HS1BP3: variants seen among roughly 807,000 people sequenced by gnomAD.
HS1BP3 encodes HCLS1-binding protein 3.
Under a neutral mutation model 33.5 loss-of-function variants are expected in HS1BP3, and 32 were observed. That is an observed-to-expected ratio of 0.95 (90% CI 0.72 to 1.28). The LOEUF is 1.28. Among genes scored for constraint, HS1BP3 ranks in the 50% most tolerant of loss-of-function variants. The pLI, the probability that HS1BP3 is intolerant of heterozygous loss-of-function variation, is 0.00. For synonymous variants in HS1BP3, 187 were observed against 209.2 expected, an observed-to-expected ratio of 0.89 and a Z score of 0.92; for missense variants, 486 against 502.3, an observed-to-expected ratio of 0.97 and a Z score of 0.31.
intron 2 of HS1BP3, among the ~76,000 whole-genome samples, chr2:20,612,178 T>C (rs1572332349): frequency 6.6e-6 from 1 of 152,032 alleles, no homozygotes; most frequent in South Asian, 2.1e-4. Flanking sequence ...CACAGAGAGG[T>C]TAAGTAACTG....
chr2:20,553,903 A>G, the HS1BP3 span, among the ~76,000 whole-genome samples: 4 of 152,286 alleles, frequency 2.6e-5, no homozygotes, highest in East Asian at 7.7e-4. Flanking sequence ...TAGCAAACTG[A>G]TGTGCTGTGG....
intron 5 of HS1BP3, among the ~76,000 whole-genome samples, chr2:20,582,743 A>G (rs1157986814): frequency 1.3e-5 from 2 of 152,118 alleles, no homozygotes; most frequent in South Asian, 4.1e-4. Flanking sequence ...GAGGATTGTC[A>G]TGGGGCAGAC....
chr2:20,609,897 C>T (rs1411302190), intron 2 of HS1BP3, among the ~76,000 whole-genome samples: 2 of 152,122 alleles, frequency 1.3e-5, no homozygotes, highest in Non-Finnish European at 2.9e-5. Flanking sequence ...ATCAGTGAAA[C>T]GTTTGCTAAG....
chr2:20,563,055 C>A (rs1183934425), intron 5 of HS1BP3, among the ~76,000 whole-genome samples: 1 of 152,206 alleles, frequency 6.6e-6, no homozygotes, highest in Non-Finnish European at 1.5e-5. Flanking sequence ...GCCCAGGAGG[C>A]TCCGACCTTC....
intron 5 of HS1BP3, among the ~76,000 whole-genome samples, chr2:20,567,904 C>T (rs1052750960): frequency 4.6e-5 from 7 of 152,134 alleles, no homozygotes; most frequent in African/African-American, 1.2e-4. Flanking sequence ...CACAGCTGGC[C>T]CCCAGCACCG....
At chr2:20,569,127 G>C (rs1693205100) in intron 5 of HS1BP3, among the ~76,000 whole-genome samples, 1 of 152,126 alleles carries the variant, frequency 6.6e-6, no homozygotes, top group East Asian at 1.9e-4. Context: ...CTTGTTCCCG[G>C]GTAGCCAAAA....
chr2:20,597,134 A>T lies in HS1BP3; in HGVS notation c.*12+1074T>A, dbSNP rs2149281320. Among the ~76,000 whole-genome samples the T allele has an allele frequency of 1.3e-5, 2 of 152,336 alleles. 1 individual carries two copies. The highest frequency in any genetic ancestry group is 1.3e-4 in the Admixed American group (2 of 15,308). On this transcript the variant is annotated intron_variant, in intron 3 of 3. Transcript: ENST00000415264. ...GACATGGCCTCAGAACATGCAGTTT[A>T]CAGGCCAGAAGCAGCATGAGGCCCT...
intron 2 of HS1BP3, among the ~76,000 whole-genome samples, chr2:20,601,012 A>G (rs777382429): frequency 6.6e-6 from 1 of 152,232 alleles, no homozygotes; most frequent in Non-Finnish European, 1.5e-5. Context: ...TAATTCAAGT[A>G]CCAATACTTA....
chr2:20,615,638 C>G (rs570924891), downstream of HS1BP3, among the ~76,000 whole-genome samples: 1 of 152,330 alleles, frequency 6.6e-6, no homozygotes, highest in East Asian at 1.9e-4. Context: ...TCTCTGTTTC[C>G]CAGGATTGGC....
At chr2:20,626,549 G>A (rs971049748) in intron 4 of HS1BP3, among the ~76,000 whole-genome samples, 2 of 152,246 alleles carry the variant, frequency 1.3e-5, no homozygotes, top group Non-Finnish European at 2.9e-5. Context: ...GGTGATATAG[G>A]ATGGCGCAGG....
At chr2:20,633,103 G>C (rs1695016935) in intron 4 of HS1BP3, among the ~76,000 whole-genome samples, 1 of 152,164 alleles carries the variant, frequency 6.6e-6, no homozygotes, top group South Asian at 2.1e-4. Context: ...AACAGGCTTG[G>C]AGAAGTACAG....
At chr2:20,622,344 G>A (rs1215104757) in intron 6 of HS1BP3, 10 of 1,303,338 alleles carry the variant, frequency 7.7e-6, no homozygotes, top group Non-Finnish European at 1.0e-5. Flanking sequence ...AAGAAAAGCA[G>A]TTAATCCTTT....
chr2:20,586,504 G>C (rs894439756), intron 5 of HS1BP3: 1 of 152,146 alleles, frequency 6.6e-6, no homozygotes, highest in African/African-American at 2.4e-5. Context: ...TGTTTGTTTA[G>C]AATTTACCAA....
chr2:20,597,099 CTG>C (rs1558328052), intron 3 of HS1BP3, among the ~76,000 whole-genome samples: 1 of 152,350 alleles, frequency 6.6e-6, no homozygotes, highest in Non-Finnish European at 1.5e-5. Context: ...AGGGTCCCCT[CTG>C]TGTTTATGAC....
intron 5 of HS1BP3, among the ~76,000 whole-genome samples, chr2:20,587,164 G>A (rs550499719): frequency 2.6e-5 from 4 of 152,328 alleles, no homozygotes; most frequent in South Asian, 2.1e-4. Context: ...AAGCCAAGAT[G>A]TTCTACAATA....
At chr2:20,626,044 C>G (rs1694769888) in intron 4 of HS1BP3, among the ~76,000 whole-genome samples, 1 of 152,208 alleles carries the variant, frequency 6.6e-6, no homozygotes, top group Non-Finnish European at 1.5e-5. Context: ...GGCAGTTCCA[C>G]TGGACTGAGG....
chr2:20,612,285 T>C (rs1177717781), intron 2 of HS1BP3, among the ~76,000 whole-genome samples: 7 of 152,226 alleles, frequency 4.6e-5, no homozygotes, highest in Non-Finnish European at 2.9e-5. Flanking sequence ...GGTTTCCTTC[T>C]TTTTCCAATC....
chr2:20,583,185 C>T (rs1427959496), intron 5 of HS1BP3, among the ~76,000 whole-genome samples: 3 of 152,242 alleles, frequency 2.0e-5, no homozygotes, highest in Non-Finnish European at 4.4e-5. Context: ...CTGAGTTTCT[C>T]AGGCCCCCAG....
chr2:20,585,090 C>A (rs1693647786), intron 5 of HS1BP3, among the ~76,000 whole-genome samples: 1 of 152,204 alleles, frequency 6.6e-6, no homozygotes, highest in Non-Finnish European at 1.5e-5. Context: ...CAAAAGGGCA[C>A]AGCGTGGCGA....
Sources: gnomAD v4.1 joint callset for allele counts (sites outside exome capture counted in the v4.1 genomes callset) on GRCh38, gnomAD v4.1.1 for gene constraint, MANE v1.5 for transcripts, NCBI Gene and HGNC (gene_info 2026-07-23, HGNC 2026-07-21) for gene names.